Variants in LAMA4 observed in about 807,000 individuals in gnomAD.
The protein encoded by LAMA4 is laminin subunit alpha 4.
A neutral mutation model predicts 207.1 loss-of-function variants in LAMA4; 127 were observed. The observed-to-expected ratio is 0.61, with a 90% CI of 0.53 to 0.71. The LOEUF (loss-of-function observed/expected upper bound fraction) is 0.71. Ranked by LOEUF, LAMA4 falls within the 30% of genes least tolerant of loss-of-function variation. The probability of loss-of-function intolerance (pLI) is 0.00; values close to 1 mark genes in which losing one functional copy is unlikely to be tolerated. For missense variants in LAMA4, 2,093 were observed against 2,246.5 expected (o/e 0.93, Z 1.38); for synonymous variants, 761 against 816.0 (o/e 0.93, Z 1.15).
rs1220684052 is a variant in LAMA4, at chr6:112,189,526, C to G, written c.719-321G>C. ...TCCAAAAATGTCCTGGTAAGTTTCA[C>G]AAGATACTAAATGACCACGAGCTCA... On this transcript the variant is annotated intron_variant, in intron 6 of 38. Transcript: ENST00000230538. 3.9e-5 allele frequency among the ~76,000 whole-genome samples: 6 copies of G among 152,168 alleles called. No individual in the cohort carries two copies. In the East Asian group the frequency reaches 1.2e-3, roughly 29 times the overall value.
At chr6:112,185,980 G>T (rs2301512) in intron 8 of LAMA4, among the ~76,000 whole-genome samples, 2 of 152,036 alleles carry the variant, frequency 1.3e-5, no homozygotes, top group Non-Finnish European at 2.9e-5. Context: ...ACTCCCCTGG[G>T]GGGTAGTGTC....
chr6:112,182,834 T>A (rs1782447855), intron 9 of LAMA4, among the ~76,000 whole-genome samples: 2 of 152,136 alleles, frequency 1.3e-5, no homozygotes, highest in African/African-American at 4.8e-5. Context: ...CATGGAAAAG[T>A]AGAATCTTGG....
chr6:112,230,154 G>A (rs1785461723), intron 2 of LAMA4, among the ~76,000 whole-genome samples: 1 of 152,174 alleles, frequency 6.6e-6, no homozygotes, highest in Admixed American at 6.5e-5. Context: ...GTATGTCTGT[G>A]TTCAGTCCCC....
intron 11 of LAMA4, 66 bp downstream of exon 11, chr6:112,175,247 G>A (rs1272970119): frequency 6.7e-7 from 1 of 1,486,872 alleles, no homozygotes; most frequent in Non-Finnish European, 9.4e-7. Flanking sequence ...TAGGTTTAAT[G>A]TCTGCTATTG....
At chr6:112,145,135 G>A (rs772351331) in intron 18 of LAMA4, among the ~76,000 whole-genome samples, 12 of 152,308 alleles carry the variant, frequency 7.9e-5, no homozygotes, top group South Asian at 2.1e-4. Context: ...TGGGCCAGAC[G>A]GACTCAGCTA....
intron 2 of LAMA4, chr6:112,234,593 A>G (rs1785770308): frequency 1.3e-5 from 2 of 152,036 alleles, no homozygotes; most frequent in Non-Finnish European, 2.9e-5. Context: ...AAAAAAAAAG[A>G]GATTGTAATC....
At chr6:112,227,041 T>TTTTTTTTA (rs782633010) in intron 2 of LAMA4, among the ~76,000 whole-genome samples, 2,245 of 141,666 alleles carry the variant, frequency 0.016, 57 homozygotes, top group African/African-American at 0.052. Flanking sequence ...GCTTCGACTA[T>TTTTTTTTA]TTTATTTATT....
chr6:112,240,256 A>AT (rs1207219754), intron 2 of LAMA4, among the ~76,000 whole-genome samples: 10 of 151,382 alleles, frequency 6.6e-5, no homozygotes, highest in East Asian at 3.9e-4. Context: ...TAATCTTTGT[A>AT]TTTTTTTTAA....
chr6:112,144,034 G>T (rs1562656672), intron 19 of LAMA4, among the ~76,000 whole-genome samples: 1 of 152,082 alleles, frequency 6.6e-6, no homozygotes, highest in Non-Finnish European at 1.5e-5. Context: ...GTCTGCTCAG[G>T]CCGATTCTTA....
intron 21 of LAMA4, 57 bp downstream of exon 21, chr6:112,141,301 T>C: frequency 6.6e-7 from 1 of 1,520,558 alleles, no homozygotes; most frequent in South Asian, 1.1e-5. Context: ...CATGTGCACG[T>C]TCAACAGGTT....
chr6:112,174,787 G>A (rs1225987941), intron 11 of LAMA4, among the ~76,000 whole-genome samples: 14 of 152,198 alleles, frequency 9.2e-5, no homozygotes, highest in Non-Finnish European at 1.8e-4. Context: ...CACCACGCCC[G>A]GCCTGGGCCT....
At chr6:112,131,807 A>C (rs1554329879) in intron 28 of LAMA4, among the ~76,000 whole-genome samples, 1 of 152,150 alleles carries the variant, frequency 6.6e-6, no homozygotes, top group African/African-American at 2.4e-5. Context: ...TGTCAGATGC[A>C]GGTAATATAT....
At chr6:112,221,207 C>A (rs543040766) in intron 2 of LAMA4, among the ~76,000 whole-genome samples, 1 of 152,056 alleles carries the variant, frequency 6.6e-6, no homozygotes, top group East Asian at 1.9e-4. Flanking sequence ...CCAGCTCCAG[C>A]GAATGATGAA....
chr6:112,222,797 A>C (rs1784995888), intron 2 of LAMA4, among the ~76,000 whole-genome samples: 2 of 152,208 alleles, frequency 1.3e-5, no homozygotes, highest in African/African-American at 4.8e-5. Flanking sequence ...GCTTGCTAAT[A>C]AATAGCCCTC....
intron 31 of LAMA4, among the ~76,000 whole-genome samples, chr6:112,123,604 C>T (rs1206307858): frequency 4.6e-5 from 7 of 152,162 alleles, no homozygotes; most frequent in African/African-American, 1.7e-4. Context: ...GAATTACTTT[C>T]AAAATCTAGA....
chr6:112,184,036 A>G (rs189787815), intron 9 of LAMA4, among the ~76,000 whole-genome samples: 2 of 151,720 alleles, frequency 1.3e-5, no homozygotes, highest in African/African-American at 2.4e-5. Context: ...AGTAACAATG[A>G]GTTTCCACAA....
At chr6:112,217,953 C>G (rs1028763448) in intron 2 of LAMA4, 3 of 152,156 alleles carry the variant, frequency 2.0e-5, no homozygotes, top group African/African-American at 7.2e-5. Context: ...ATGCAGTACA[C>G]AGATTGGTAT....
chr6:112,254,517 C>T lies in LAMA4; in HGVS notation c.-200G>A, dbSNP rs1396867770. The T allele has an allele frequency of 5.5e-6, 2 of 362,400 alleles. No homozygotes were observed. The highest frequency in any genetic ancestry group is 1.1e-5 in the Non-Finnish European group (2 of 189,658). The allele number at this position is 362,400 out of a possible 1,614,324, so 22.4% of individuals were successfully genotyped here. A position where few individuals can be genotyped will look rare whatever the true frequency, so the allele number is the denominator to read the frequency against. On this transcript the variant is annotated 5_prime_UTR_variant, in exon 1 of 39. Transcript: ENST00000230538. Reference sequence around the variant, plus strand: ...AGCCCCGCCAGCGCTAGGCCACCTCCTCTCCCTGGCCGTTCGGGACTGGGG... The same window carrying T: ...AGCCCCGCCAGCGCTAGGCCACCTCTTCTCCCTGGCCGTTCGGGACTGGGG...
chr6:112,176,268 C>T (rs1554343704), intron 10 of LAMA4, among the ~76,000 whole-genome samples: 1 of 152,128 alleles, frequency 6.6e-6, no homozygotes, highest in African/African-American at 2.4e-5. Flanking sequence ...TCTTTGAATC[C>T]CTCATTCCTA....
Sources: gnomAD v4.1 joint callset for allele counts (sites outside exome capture counted in the v4.1 genomes callset) on GRCh38, gnomAD v4.1.1 for gene constraint, MANE v1.5 for transcripts, NCBI Gene and HGNC (gene_info 2026-07-23, HGNC 2026-07-21) for gene names.